PCDHA4: variants seen among roughly 807,000 people sequenced by gnomAD.
The protein encoded by PCDHA4 is protocadherin alpha 4, also known as protocadherin alpha-4.
In PCDHA4, 49 loss-of-function variants were observed where a neutral mutation model predicts 61.4. The ratio of observed to expected loss-of-function variants is 0.80; its 90% CI spans 0.63 to 1.01. The LOEUF is 1.01. Among genes scored for constraint, PCDHA4 ranks in the 50% least tolerant of loss-of-function variants. The probability of loss-of-function intolerance (pLI) is 0.00; values close to 1 mark genes in which losing one functional copy is unlikely to be tolerated. For missense variants in PCDHA4, 1,254 were observed against 1,235.8 expected (o/e 1.01, Z -0.22); for synonymous variants, 590 against 550.3 (o/e 1.07, Z -1.01).
intron 1 of PCDHA4, among the ~76,000 whole-genome samples, chr5:140,936,745 T>C (rs2091123001): frequency 6.6e-6 from 1 of 152,234 alleles, no homozygotes; most frequent in Non-Finnish European, 1.5e-5. Context: ...ACTTTTCATT[T>C]GTATTGATAT....
At chr5:140,828,586 T>A (rs1769839887) in intron 1 of PCDHA4, 1 of 1,614,124 alleles carries the variant, frequency 6.2e-7, no homozygotes, top group African/African-American at 1.3e-5. Flanking sequence ...TTGGCTCAAA[T>A]TCCATCTTAA....
chr5:140,869,779 G>A (rs1554163444), intron 1 of PCDHA4: 4 of 1,612,766 alleles, frequency 2.5e-6, no homozygotes, highest in Non-Finnish European at 3.4e-6. Flanking sequence ...TACTGGCACC[G>A]TTCGGCTGTT....
chr5:141,000,418 T>C (rs2097923101), intron 3 of PCDHA4, among the ~76,000 whole-genome samples: 1 of 83,682 alleles, frequency 1.2e-5, no homozygotes, highest in Admixed American at 1.7e-4. Flanking sequence ...TATATATATA[T>C]ATATTTTTTT....
At chr5:140,823,326 C>A (rs2150124741) in intron 1 of PCDHA4, 3 of 1,612,172 alleles carry the variant, frequency 1.9e-6, no homozygotes, top group Admixed American at 3.3e-5. Context: ...GCAAGGTGTA[C>A]GCGCTGCAGC....
At chr5:140,985,086 T>C (rs564487119) in intron 3 of PCDHA4, among the ~76,000 whole-genome samples, 1 of 152,000 alleles carries the variant, frequency 6.6e-6, no homozygotes, top group Non-Finnish European at 1.5e-5. Context: ...TACAGGCGTG[T>C]GCCACCAAGC....
chr5:140,992,382 G>A (rs1275662967), intron 3 of PCDHA4, among the ~76,000 whole-genome samples: 3 of 152,140 alleles, frequency 2.0e-5, no homozygotes, highest in Non-Finnish European at 4.4e-5. Flanking sequence ...ACATTATTGT[G>A]TTCTGGACTT....
chr5:140,841,294 A>C, intron 1 of PCDHA4: 1 of 1,563,306 alleles, frequency 6.4e-7, no homozygotes, highest in Non-Finnish European at 8.6e-7. Flanking sequence ...TTAAGATAAT[A>C]TTTTCTGATA....
Position 140,829,404 on chromosome 5 carries a change from C to T in PCDHA4, c.2385+19832C>T, listed in dbSNP as rs2150167278. On this transcript the variant is annotated intron_variant, in intron 1 of 3. Transcript: ENST00000530339. The stretch of plus-strand genomic sequence containing the variant: ...GGGGGCTCGCCTTCGCTGTGGGCCA[C>T]CGCCAGCTTGTCTGTGGAGGTGGCC... 9.9e-6 allele frequency: 16 copies of T among 1,613,990 alleles called. No homozygotes were observed. In the Admixed American group the frequency reaches 1.8e-4, roughly 18 times the overall value.
chr5:140,858,495 G>T, intron 1 of PCDHA4: 1 of 1,481,630 alleles, frequency 6.7e-7, no homozygotes, highest in Non-Finnish European at 9.2e-7. Flanking sequence ...TTCTCTTACC[G>T]CATTTTCTCA....
At chr5:140,923,839 A>G (rs2081544977) in intron 1 of PCDHA4, among the ~76,000 whole-genome samples, 1 of 152,236 alleles carries the variant, frequency 6.6e-6, no homozygotes, top group Non-Finnish European at 1.5e-5. Flanking sequence ...CAGTTTAAAT[A>G]GAGAAATGGG....
At chr5:140,952,675 T>A (rs2153696875) in intron 1 of PCDHA4, among the ~76,000 whole-genome samples, 1 of 152,326 alleles carries the variant, frequency 6.6e-6, no homozygotes, top group East Asian at 1.9e-4. Context: ...ACTTTCACAT[T>A]TTCAGGATCT....
intron 1 of PCDHA4, among the ~76,000 whole-genome samples, chr5:140,941,250 T>TCCTTCCTTC (rs1441496906): frequency 7.2e-6 from 1 of 139,474 alleles, no homozygotes; most frequent in East Asian, 2.1e-4. Context: ...TTTCTTTCTT[T>TCCTTCCTTC]CTTTCTCTTT....
At position 140,877,077 on chromosome 5, in the gene PCDHA4, G is replaced by A. The variant is rs373726752; in HGVS notation, c.2385+67505G>A. The A allele has an allele frequency of 1.1e-4, 183 of 1,613,104 alleles. 1 individual carries two copies. The highest frequency in any genetic ancestry group is 1.5e-4 in the Non-Finnish European group (175 of 1,179,844). On this transcript the variant is annotated intron_variant, in intron 1 of 3. Coordinates refer to ENST00000530339, the MANE Select transcript of PCDHA4 (RefSeq NM_018907.4). ...AGCTGGAGCTGCTGCAGTTCCAGGT[G>A]AGCGCGCGCGACGCCGGCGTGCCGC...
chr5:141,000,413 A>T (rs1563651324), intron 3 of PCDHA4, among the ~76,000 whole-genome samples: 4 of 93,212 alleles, frequency 4.3e-5, no homozygotes, highest in African/African-American at 1.8e-4. Flanking sequence ...ATATATATAT[A>T]TATATATATT....
intron 1 of PCDHA4, among the ~76,000 whole-genome samples, chr5:140,885,442 T>A (rs2060596310): frequency 6.6e-6 from 1 of 152,180 alleles, no homozygotes; most frequent in African/African-American, 2.4e-5. Flanking sequence ...TGTGCAATTA[T>A]ATATTATTTA....
rs1554125161 is a variant in PCDHA4 at position 140,809,347 on chromosome 5, G to T, written c.2160G>T (p.Ala720=). 6.2e-7 allele frequency: 1 copy of T among 1,614,054 alleles called. No individual in the cohort carries two copies. Among genetic ancestry groups the T allele is most frequent in the South Asian group, 1.1e-5 (1 of 91,086 alleles). Residue 720 remains alanine, a synonymous_variant, in exon 1 of 4, where the codon GCG becomes GCT. Coordinates refer to ENST00000530339, the MANE Select transcript of PCDHA4 (RefSeq NM_018907.4). Reference sequence around the variant, plus strand: ...TGCTCACGCTGCTGCTGTACACCGCGCTGCGGTGCTCTGCGCTGCCCACCG... The same window carrying T: ...TGCTCACGCTGCTGCTGTACACCGCTCTGCGGTGCTCTGCGCTGCCCACCG... ...LLVLTLLLYT[A]LRCSALPTEG...
At chr5:140,877,942 C>G (rs1274042326) in intron 1 of PCDHA4, 1 of 1,367,756 alleles carries the variant, frequency 7.3e-7, no homozygotes, top group African/African-American at 1.5e-5. Context: ...ATCCTTTAAA[C>G]TATCGAATGT....
chr5:140,887,456 A>G (rs1291884808), intron 1 of PCDHA4, among the ~76,000 whole-genome samples: 1 of 152,138 alleles, frequency 6.6e-6, no homozygotes, highest in Non-Finnish European at 1.5e-5. Flanking sequence ...CAGTTTTTTA[A>G]AAGATATAAT....
At chr5:140,849,751 C>A (rs1664372537) in intron 1 of PCDHA4, 2 of 1,598,420 alleles carry the variant, frequency 1.3e-6, no homozygotes, top group Non-Finnish European at 1.7e-6. Flanking sequence ...GAGAGTGTGT[C>A]CGCCTACGAG....
Sources: allele counts gnomAD v4.1 joint callset (sites outside exome capture counted in the v4.1 genomes callset), GRCh38; gene constraint gnomAD v4.1.1; transcripts MANE v1.5; gene names NCBI Gene and HGNC (gene_info 2026-07-23, HGNC 2026-07-21).